Variants in UBAP1 observed in about 807,000 individuals in gnomAD.
UBAP1 encodes the protein ubiquitin associated protein 1.
Under a neutral mutation model 39.0 loss-of-function variants are expected in UBAP1, and 5 were observed. The ratio of observed to expected loss-of-function variants is 0.13; its 90% CI spans 0.07 to 0.27. The LOEUF is 0.27. Ranked by LOEUF, UBAP1 falls within the 10% of genes least tolerant of loss-of-function variation. UBAP1 has a pLI of 1.00. For synonymous variants in UBAP1, 211 were observed against 225.1 expected (o/e 0.94, Z 0.56); for missense variants, 490 against 608.1 (o/e 0.81, Z 2.04).
At chr9:34,188,918 T>C (rs1235256854) in intron 1 of UBAP1, among the ~76,000 whole-genome samples, 3 of 152,022 alleles carry the variant, frequency 2.0e-5, no homozygotes, top group Non-Finnish European at 4.4e-5. Flanking sequence ...GATCGTACCA[T>C]TGCACTCCAG....
At chr9:34,207,658 TTTC>T (rs1365412231) in intron 1 of UBAP1, among the ~76,000 whole-genome samples, 1 of 131,646 alleles carries the variant, frequency 7.6e-6, no homozygotes, top group Non-Finnish European at 1.8e-5. Flanking sequence ...TTTTTATTTA[TTTC>T]TTTTTTTTTT....
At chr9:34,220,147 C>G (rs1441759112) in intron 1 of UBAP1, among the ~76,000 whole-genome samples, 1 of 26,200 alleles carries the variant, frequency 3.8e-5, no homozygotes, top group Non-Finnish European at 7.2e-5. Flanking sequence ...CCCCTTTCCT[C>G]TCCTGCCCTC....
chr9:34,210,111 A>G (rs1215594246), intron 1 of UBAP1, among the ~76,000 whole-genome samples: 1 of 152,214 alleles, frequency 6.6e-6, no homozygotes, highest in Non-Finnish European at 1.5e-5. Context: ...GCTGAATTAA[A>G]AGAAATTGAT....
chr9:34,222,832 TAAGAA>T (rs1832833973), intron 2 of UBAP1, among the ~76,000 whole-genome samples: 1 of 150,884 alleles, frequency 6.6e-6, no homozygotes, highest in Non-Finnish European at 1.5e-5. Context: ...CCACTGAGCT[TAAGAA>T]AAGAAAAAGG....
intron 6 of UBAP1, among the ~76,000 whole-genome samples, chr9:34,251,162 G>A (rs574565217): frequency 1.5e-3 from 227 of 152,302 alleles, no homozygotes; most frequent in Non-Finnish European, 2.5e-3. Context: ...AGTGAGCTGG[G>A]ACTGGGCTGA....
At chr9:34,250,525 A>C (rs975364841) in intron 5 of UBAP1, 133 bp from the exon 6 acceptor site, 4 of 613,120 alleles carry the variant, frequency 6.5e-6, no homozygotes, top group Non-Finnish European at 1.1e-5. Context: ...CAAGGCACAA[A>C]ATCAAATCCT....
chr9:34,187,538 T>A lies in UBAP1; in HGVS notation c.-8+8298T>A, dbSNP rs1460264761. 2.6e-5 allele frequency among the ~76,000 whole-genome samples: 4 copies of A among 152,212 alleles called. No homozygotes were observed. In the East Asian group the frequency reaches 7.7e-4, roughly 29 times the overall value. Reference sequence around the variant, plus strand: ...TTTGACAATGAGACCTTTCTTTGTGTGGACAGTATTATATACAATTGATAG... The same window carrying A: ...TTTGACAATGAGACCTTTCTTTGTGAGGACAGTATTATATACAATTGATAG... On this transcript the variant is annotated intron_variant, in intron 1 of 6. Coordinates refer to ENST00000297661, the MANE Select transcript of UBAP1 (RefSeq NM_016525.5).
At chr9:34,212,057 G>A (rs925108398) in intron 1 of UBAP1, 9 of 402,384 alleles carry the variant, frequency 2.2e-5, no homozygotes, top group African/African-American at 1.9e-4. Context: ...AAAAGAATAT[G>A]TTTTATTGTT....
At chr9:34,246,399 G>C (rs966424514) in intron 4 of UBAP1, among the ~76,000 whole-genome samples, 1 of 152,198 alleles carries the variant, frequency 6.6e-6, no homozygotes, top group Non-Finnish European at 1.5e-5. Flanking sequence ...GTGGGCTTTT[G>C]GGAAGAAGAG....
intron 1 of UBAP1, among the ~76,000 whole-genome samples, chr9:34,185,653 C>T (rs1233353528): frequency 2.0e-5 from 3 of 152,126 alleles, no homozygotes; most frequent in Non-Finnish European, 4.4e-5. Context: ...CAAGACCAGT[C>T]TGGCCAACAC....
Position 34,251,552 on chromosome 9 carries a change from C to G in UBAP1, c.*20C>G. On this transcript the variant is annotated 3_prime_UTR_variant, in exon 7 of 7. Coordinates refer to ENST00000297661, the MANE Select transcript of UBAP1 (RefSeq NM_016525.5). ...AGCTGAGACCAGGCCCTGCCTAGGC[C>G]CTGCCGCAGAACCACCATCCCTGGG... 6 of 1,610,806 alleles carry G rather than the reference C, an allele frequency of 3.7e-6. No homozygotes were observed. The highest frequency in any genetic ancestry group is 5.1e-6 in the Non-Finnish European group (6 of 1,178,444).
At chr9:34,196,938 T>TGTGTGTG (rs1393315839) in intron 1 of UBAP1, among the ~76,000 whole-genome samples, 3 of 93,056 alleles carry the variant, frequency 3.2e-5, no homozygotes, top group Non-Finnish European at 7.8e-5. Context: ...GTGTGTGTGT[T>TGTGTGTG]TTTAATTGAG....
At chr9:34,221,192 A>G (rs1832736099) in intron 2 of UBAP1, among the ~76,000 whole-genome samples, 1 of 152,136 alleles carries the variant, frequency 6.6e-6, no homozygotes, top group Non-Finnish European at 1.5e-5. Flanking sequence ...ACTACTAGTG[A>G]TAGATTAGGA....
At chr9:34,223,712 C>T (rs942284049) in intron 2 of UBAP1, among the ~76,000 whole-genome samples, 3 of 152,168 alleles carry the variant, frequency 2.0e-5, no homozygotes, top group Non-Finnish European at 4.4e-5. Flanking sequence ...GCCTTGGCCT[C>T]CCAAAGTGTT....
rs61297759 is a variant in UBAP1 at position 34,182,616 on chromosome 9, C to CTTCTTTCTTTCT, written c.-8+3433_-8+3444dup. Among the ~76,000 whole-genome samples, 345 of 110,692 alleles carry CTTCTTTCTTTCT rather than the reference C, an allele frequency of 3.1e-3. 4 individuals carry two copies. The highest frequency in any genetic ancestry group is 3.2e-3 in the Non-Finnish European group (172 of 54,242). 72.6% of individuals were successfully genotyped at this position (110,692 alleles called of 152,430 possible). On this transcript the variant is annotated intron_variant, in intron 1 of 6. Coordinates refer to ENST00000297661, the MANE Select transcript of UBAP1 (RefSeq NM_016525.5). ...GTTCTTTTTTCTTTTTCTTTCTTTC[C>CTTCTTTCTTTCT]TTCTTTCTTTCTTTCTTTCTTTCTT... is the stretch of plus-strand genomic sequence containing the variant.
At chr9:34,239,907 C>T (rs939516492) in intron 3 of UBAP1, among the ~76,000 whole-genome samples, 5 of 152,112 alleles carry the variant, frequency 3.3e-5, no homozygotes, top group Non-Finnish European at 7.3e-5. Flanking sequence ...CTCCCTGCAC[C>T]GCACCCTGCT....
At chr9:34,240,181 C>T (rs1833888985) in intron 3 of UBAP1, among the ~76,000 whole-genome samples, 1 of 152,162 alleles carries the variant, frequency 6.6e-6, no homozygotes, top group Non-Finnish European at 1.5e-5. Flanking sequence ...AGAAAGGAAG[C>T]CCAGTGATCC....
chr9:34,201,398 A>G (rs1831361902), intron 1 of UBAP1: 1 of 151,818 alleles, frequency 6.6e-6, no homozygotes, highest in African/African-American at 2.4e-5. Flanking sequence ...TACAAAAATT[A>G]ACGAGTGTGG....
At chr9:34,195,461 GTTCTA>G (rs1200194829) in intron 1 of UBAP1, among the ~76,000 whole-genome samples, 2 of 152,144 alleles carry the variant, frequency 1.3e-5, no homozygotes, top group South Asian at 2.1e-4. Context: ...ATTTGGACCT[GTTCTA>G]TTCTATTGAT....
Sources: gnomAD v4.1 joint callset for allele counts (sites outside exome capture counted in the v4.1 genomes callset) on GRCh38, gnomAD v4.1.1 for gene constraint, MANE v1.5 for transcripts, NCBI Gene and HGNC (gene_info 2026-07-23, HGNC 2026-07-21) for gene names.